ADGRD1: variants seen among roughly 807,000 people sequenced by gnomAD.
ADGRD1 encodes the protein G-protein coupled receptor 133.
ADGRD1 carries 77 observed loss-of-function variants against 113.4 expected under a neutral mutation model. That is an observed-to-expected ratio of 0.68 (90% CI 0.57 to 0.82). ADGRD1 has a LOEUF of 0.82. Ranked by LOEUF, ADGRD1 falls within the 40% of genes least tolerant of loss-of-function variation. The pLI, the probability that ADGRD1 is intolerant of heterozygous loss-of-function variation, is 0.00. For missense variants in ADGRD1, 1,036 were observed against 1,139.1 expected, an observed-to-expected ratio of 0.91 and a Z score of 1.30; for synonymous variants, 474 against 475.0, an observed-to-expected ratio of 1.00 and a Z score of 0.03.
At chr12:131,016,995 T>C (rs955249846) in intron 13 of ADGRD1, among the ~76,000 whole-genome samples, 1 of 151,800 alleles carries the variant, frequency 6.6e-6, no homozygotes, top group African/African-American at 2.4e-5. Context: ...AGGTGGGCAC[T>C]GTGAAGCACA....
rs147522995 is a variant in ADGRD1, at chr12:131,123,986, C to T, written c.2175+3073C>T. The stretch of plus-strand genomic sequence containing the variant: ...TGCTTTCAGGCTAAAACAGCTGAGC[C>T]GAATAGTTGCAACAAAGACTGCGTG... On this transcript the variant is annotated intron_variant, in intron 20 of 24. Transcript: ENST00000261654. Among the ~76,000 whole-genome samples, 45 of 152,306 alleles carry T rather than the reference C, an allele frequency of 3.0e-4. No individual in the cohort carries two copies. In the East Asian group the frequency reaches 5.8e-3, roughly 20 times the overall value.
chr12:131,004,062 A>C, intron 10 of ADGRD1, 124 bp from the exon 11 acceptor site: 1 of 582,170 alleles, frequency 1.7e-6, no homozygotes, highest in Non-Finnish European at 3.1e-6. Flanking sequence ...TTCTAAAGGT[A>C]ATTATACTTC....
At position 130,997,195 on chromosome 12, in the gene ADGRD1, C is replaced by G. The variant is rs1404984671; in HGVS notation, c.967-3188C>G. Among the ~76,000 whole-genome samples, 78 of 142,652 alleles carry G rather than the reference C, an allele frequency of 5.5e-4. 3 individuals carry two copies. Among genetic ancestry groups the G allele is most frequent in the Non-Finnish European group, 9.5e-4 (61 of 63,954 alleles). 93.6% of individuals were successfully genotyped at this position (142,652 alleles called of 152,430 possible). ...TTGCCGGGCGGGGGGCTGACCCCCCCCCCCGGACGGGGCAGCTGGCCGGGC... is the reference window on the plus strand; with the variant it reads ...TTGCCGGGCGGGGGGCTGACCCCCCGCCCCGGACGGGGCAGCTGGCCGGGC... On this transcript the variant is annotated intron_variant, in intron 8 of 24. Transcript: ENST00000261654.
chr12:130,966,417 T>C lies in ADGRD1; in HGVS notation c.104-46T>C. ...TAAGCGGTTCTTACCCTCTGGTTCT[T>C]TCCTCTCTAATGATGATTTAAAATT... On this transcript the variant is annotated intron_variant, in intron 2 of 24. Coordinates refer to ENST00000261654, the MANE Select transcript of ADGRD1 (RefSeq NM_198827.5). This position sits in a 1 kb window ranked among gnomAD's most constrained non-coding sequence, Gnocchi z 4.6. 1.6e-6 allele frequency: 2 copies of C among 1,268,146 alleles called. No homozygotes were observed. Among genetic ancestry groups the C allele is most frequent in the Non-Finnish European group, 2.3e-6 (2 of 865,386 alleles). The allele number at this position is 1,268,146 out of a possible 1,614,324, so 78.6% of individuals were successfully genotyped here.
intron 13 of ADGRD1, among the ~76,000 whole-genome samples, chr12:131,017,635 C>A (rs998294521): frequency 1.7e-4 from 26 of 151,420 alleles, no homozygotes; most frequent in African/African-American, 6.1e-4. Flanking sequence ...CTAGTGCACA[C>A]ACACCCAGCA....
At chr12:131,030,464 G>C (rs996707434) in intron 13 of ADGRD1, 12 of 152,696 alleles carry the variant, frequency 7.9e-5, no homozygotes, top group African/African-American at 2.7e-4. Context: ...GCGTGCGCAG[G>C]CCCTTCCTCC....
intron 13 of ADGRD1, among the ~76,000 whole-genome samples, chr12:131,016,280 A>G (rs775044528): frequency 1.3e-5 from 2 of 152,244 alleles, no homozygotes; most frequent in Admixed American, 6.5e-5. Context: ...CAGATCCAGC[A>G]TGGAGCCCAC....
intron 8 of ADGRD1, 102 bp downstream of exon 8, chr12:130,992,494 A>C: frequency 9.6e-7 from 1 of 1,046,904 alleles, no homozygotes; most frequent in South Asian, 1.6e-5. Flanking sequence ...AAAAAGCAGG[A>C]ACTTTTACTG....
At chr12:130,970,348 C>T (rs1565989441) in intron 3 of ADGRD1, 1 of 152,214 alleles carries the variant, frequency 6.6e-6, no homozygotes, top group Non-Finnish European at 1.5e-5. Flanking sequence ...TTTATACAGC[C>T]TAGCTCAATT....
In ADGRD1 at chr12:131,130,350, C is replaced by T. The variant is rs576976552; in HGVS notation, c.2176-1375C>T. On this transcript the variant is annotated intron_variant, in intron 20 of 24. Transcript: ENST00000261654. Reference sequence around the variant, plus strand: ...CAGGTGTTGAGGTGGTCAGTGAAGACAGGAGCCGAGGAGGGAACAGTTGGG... The same window carrying T: ...CAGGTGTTGAGGTGGTCAGTGAAGATAGGAGCCGAGGAGGGAACAGTTGGG... 2.0e-5 allele frequency among the ~76,000 whole-genome samples: 3 copies of T among 152,330 alleles called. No individual in the cohort carries two copies. In the East Asian group the frequency reaches 5.8e-4, roughly 29 times the overall value.
intron 14 of ADGRD1, among the ~76,000 whole-genome samples, chr12:131,079,129 CTT>C (rs1449980724): frequency 1.3e-5 from 2 of 152,146 alleles, no homozygotes; most frequent in African/African-American, 4.8e-5. Context: ...AGTCTAGCCT[CTT>C]TAATTTTGCA....
intron 13 of ADGRD1, among the ~76,000 whole-genome samples, chr12:131,048,203 G>A (rs903205655): frequency 2.0e-5 from 3 of 152,382 alleles, no homozygotes; most frequent in Admixed American, 6.5e-5. Context: ...GTGGAAGGCT[G>A]AGGGCGCAGG....
intron 7 of ADGRD1, among the ~76,000 whole-genome samples, chr12:130,992,035 C>A (rs1874459832): frequency 6.6e-6 from 1 of 151,542 alleles, no homozygotes; most frequent in South Asian, 2.1e-4. Context: ...GCAAGAGACT[C>A]GCTTGAACCC....
At chr12:131,085,990 AG>A (rs1330718084) in intron 15 of ADGRD1, among the ~76,000 whole-genome samples, 4 of 152,282 alleles carry the variant, frequency 2.6e-5, no homozygotes, top group South Asian at 2.1e-4. Flanking sequence ...GGGAGGAGTC[AG>A]GATGTCTCTG....
chr12:131,011,037 G>A (rs74242890), intron 12 of ADGRD1, among the ~76,000 whole-genome samples: 10,027 of 151,402 alleles, frequency 0.066, 965 homozygotes, highest in African/African-American at 0.21. Context: ...GCGGGTGGAG[G>A]CAGGGTATAA....
intron 13 of ADGRD1, among the ~76,000 whole-genome samples, chr12:131,063,510 AG>A (rs1387743143): frequency 6.6e-6 from 1 of 152,032 alleles, no homozygotes; most frequent in African/African-American, 2.4e-5. Flanking sequence ...CTATTTGTTG[AG>A]GGGGAAAAAA....
chr12:130,955,225 A>G (rs1167247596), intron 2 of ADGRD1, among the ~76,000 whole-genome samples: 1 of 150,176 alleles, frequency 6.7e-6, no homozygotes, highest in Non-Finnish European at 1.5e-5. Flanking sequence ...TTGGCCTCCC[A>G]GAGTGCTGGG....
chr12:131,105,648 C>A, intron 16 of ADGRD1, 106 bp from the exon 17 acceptor site: 1 of 767,176 alleles, frequency 1.3e-6, no homozygotes, highest in Non-Finnish European at 2.2e-6. Flanking sequence ...ACCCCTCTGG[C>A]TGCTCTTGGA....
chr12:130,976,077 C>G (rs1053522208), intron 4 of ADGRD1, among the ~76,000 whole-genome samples: 9 of 152,224 alleles, frequency 5.9e-5, no homozygotes, highest in African/African-American at 1.9e-4. Flanking sequence ...TCCCTCTTCT[C>G]AGCTTTGAGT....
Sources: allele counts gnomAD v4.1 joint callset (sites outside exome capture counted in the v4.1 genomes callset), GRCh38; gene constraint gnomAD v4.1.1; non-coding constraint Gnocchi (gnomAD v3.1); transcripts MANE v1.5; gene names NCBI Gene and HGNC (gene_info 2026-07-23, HGNC 2026-07-21).